Variants in DENR observed in about 807,000 individuals in gnomAD.
DENR encodes density regulated re-initiation and release factor.
In DENR, 6 loss-of-function variants were observed where a neutral mutation model predicts 30.6. The ratio of observed to expected loss-of-function variants is 0.20; its 90% CI spans 0.11 to 0.39. The LOEUF (loss-of-function observed/expected upper bound fraction) is 0.39, where lower values mean the gene tolerates loss of function less well. DENR is among the 10% of genes least tolerant of loss of function. The pLI is 1.00. For synonymous variants in DENR, 78 were observed against 72.1 expected (o/e 1.08, Z -0.41); for missense variants, 141 against 230.9 (o/e 0.61, Z 2.52).
At chr12:122,760,464 G>C (rs936606950) in intron 2 of DENR, among the ~76,000 whole-genome samples, 2 of 152,184 alleles carry the variant, frequency 1.3e-5, no homozygotes, top group African/African-American at 4.8e-5. Context: ...GGGCGCGGTG[G>C]CTCACTCCTG....
chr12:122,754,855 T>C (rs1378011195), intron 2 of DENR, among the ~76,000 whole-genome samples: 1 of 152,142 alleles, frequency 6.6e-6, no homozygotes, highest in Non-Finnish European at 1.5e-5. Flanking sequence ...AGTGCCTTGC[T>C]GAGAGTGTAA....
intron 2 of DENR, among the ~76,000 whole-genome samples, chr12:122,757,881 TTTTTA>T (rs1270592318): frequency 6.6e-6 from 1 of 152,206 alleles, no homozygotes; most frequent in African/African-American, 2.4e-5. Context: ...GGAGACTTTA[TTTTTA>T]TTTTAATCTT....
At chr12:122,763,989 A>G (rs976570420) in intron 4 of DENR, among the ~76,000 whole-genome samples, 1 of 152,182 alleles carries the variant, frequency 6.6e-6, no homozygotes, top group African/African-American at 2.4e-5. Flanking sequence ...GCAGTTGATT[A>G]TTTTGGAACT....
Position 122,769,151 on chromosome 12 carries a change from A to AATAT in DENR, c.*85_*88dup, listed in dbSNP as rs886558609. On this transcript the variant is annotated 3_prime_UTR_variant, in exon 8 of 8. Coordinates refer to ENST00000280557, the MANE Select transcript of DENR (RefSeq NM_003677.5). ...GGCCAAAGGGAGAGAGGCCTTTTAAAATATATATATATATACACATATATA... is the reference window on the plus strand; with the variant it reads ...GGCCAAAGGGAGAGAGGCCTTTTAAAATATATATATATATATATACACATATATA... 26 of 1,375,242 alleles carry AATAT rather than the reference A, an allele frequency of 1.9e-5. No homozygotes were observed. In the African/African-American group the frequency reaches 2.6e-4, roughly 14 times the overall value. The allele number at this position is 1,375,242 out of a possible 1,614,324, so 85.2% of individuals were successfully genotyped here. A position where few individuals can be genotyped will look rare whatever the true frequency, so the allele number is the denominator to read the frequency against.
intron 2 of DENR, among the ~76,000 whole-genome samples, chr12:122,755,454 C>G (rs1878522791): frequency 6.6e-6 from 1 of 152,042 alleles, no homozygotes; most frequent in Admixed American, 6.6e-5. Context: ...TGGCAGGCAC[C>G]TGTAATCCCA....
intron 2 of DENR, 96 bp from the exon 3 acceptor site, chr12:122,762,091 A>G (rs1878715964): frequency 1.3e-6 from 1 of 797,266 alleles, no homozygotes; most frequent in Non-Finnish European, 1.9e-6. Context: ...TGTAAAAATG[A>G]AGCATTTTCT....
chr12:122,753,942 G>T (rs997443330), intron 2 of DENR, 135 bp downstream of exon 2: 21 of 733,866 alleles, frequency 2.9e-5, no homozygotes, highest in Admixed American at 2.8e-4. Flanking sequence ...GGAGTCCTGG[G>T]GAGGAGGAGG....
intron 2 of DENR, among the ~76,000 whole-genome samples, chr12:122,759,628 C>T (rs746111774): frequency 2.0e-5 from 3 of 152,084 alleles, no homozygotes; most frequent in Non-Finnish European, 2.9e-5. Flanking sequence ...GGCTGAGCTA[C>T]GAGAATCACT....
intron 4 of DENR, among the ~76,000 whole-genome samples, chr12:122,764,497 G>A (rs1448517492): frequency 2.6e-5 from 4 of 152,184 alleles, no homozygotes; most frequent in African/African-American, 9.7e-5. Flanking sequence ...TACTTTGGGA[G>A]GCTGAGGCAG....
chr12:122,763,855 G>GAC (rs1467697888), intron 4 of DENR, among the ~76,000 whole-genome samples: 5 of 152,182 alleles, frequency 3.3e-5, no homozygotes, highest in Admixed American at 3.3e-4. Flanking sequence ...TAGAAAGGGA[G>GAC]ACAGATTAAA....
At chr12:122,759,893 C>A in intron 2 of DENR, among the ~76,000 whole-genome samples, 1 of 152,172 alleles carries the variant, frequency 6.6e-6, no homozygotes, top group East Asian at 1.9e-4. Context: ...CTGTAGCTAA[C>A]CAGAGAGATC....
rs543120682 is a variant in DENR, at chr12:122,760,308, C to A, written c.107-1879C>A. On this transcript the variant is annotated intron_variant, in intron 2 of 7. Coordinates refer to ENST00000280557, the MANE Select transcript of DENR (RefSeq NM_003677.5). ...ACATAATAATGTATATAAGGCATAG[C>A]AAAACATTTGGCACATACTAGGTGC... 3.3e-5 allele frequency among the ~76,000 whole-genome samples: 5 copies of A among 152,276 alleles called. No individual in the cohort carries two copies. The South Asian group carries it at 8.3e-4, about 25-fold the overall frequency.
intron 4 of DENR, 57 bp from the exon 5 acceptor site, chr12:122,765,247 T>C (rs1388195689): frequency 7.0e-7 from 1 of 1,421,766 alleles, no homozygotes; most frequent in East Asian, 2.5e-5. Flanking sequence ...GGTGATTTCT[T>C]TTTTTTTAAC....
intron 4 of DENR, among the ~76,000 whole-genome samples, chr12:122,764,459 C>T (rs547835375): frequency 1.3e-5 from 2 of 152,068 alleles, no homozygotes; most frequent in African/African-American, 4.8e-5. Flanking sequence ...ATTAGCCGGG[C>T]GAGGTGGCGG....
rs554272435 is a variant in DENR, at chr12:122,756,487, A to G, written c.106+2680A>G. Among the ~76,000 whole-genome samples the G allele has an allele frequency of 2.0e-5, 3 of 152,290 alleles. 1 individual carries two copies. The South Asian group carries it at 6.2e-4, about 32-fold the overall frequency. On this transcript the variant is annotated intron_variant, in intron 2 of 7. Transcript: ENST00000280557. ...AGACAAGAAATAAAGATTAAGGACT[A>G]ATAGCTGCAGTGTCAGTACAGGAGG...
At chr12:122,756,480 A>G (rs1302714456) in intron 2 of DENR, among the ~76,000 whole-genome samples, 3 of 152,156 alleles carry the variant, frequency 2.0e-5, no homozygotes, top group Non-Finnish European at 4.4e-5. Flanking sequence ...AATAAAGATT[A>G]AGGACTAATA....
At chr12:122,767,436 A>G in intron 5 of DENR, 52 bp from the exon 6 acceptor site, 1 of 1,146,986 alleles carries the variant, frequency 8.7e-7, no homozygotes, top group Non-Finnish European at 1.2e-6. Context: ...TAAAGACAGT[A>G]TTCTCTTATG....
Position 122,769,061 on chromosome 12 carries a change from G to C in DENR, c.580G>C (p.Gly194Arg), listed in dbSNP as rs1457931143. ...EVDDDSIEDL[G>R]EVKK ...AGATGATGACAGCATCGAAGATCTT[G>C]GAGAAGTAAAGAAGTGAATTTGAAA... Residue 194 changes from glycine (G) to arginine (R), a missense_variant, in exon 8 of 8, where the codon GGA becomes CGA. By Grantham distance (125) the Gly-to-Arg change is moderately radical. This residue lies in a region of DENR where 37 missense variants were observed against 92.6 expected (regional missense o/e 0.40). Transcript: ENST00000280557. 4 of 1,610,000 alleles carry C rather than the reference G, an allele frequency of 2.5e-6. No individual in the cohort carries two copies. The highest frequency in any genetic ancestry group is 3.4e-6 in the Non-Finnish European group (4 of 1,178,510).
intron 2 of DENR, among the ~76,000 whole-genome samples, chr12:122,755,509 G>GCCT (rs1878525394): frequency 6.6e-6 from 1 of 152,118 alleles, no homozygotes; most frequent in African/African-American, 2.4e-5. Flanking sequence ...AACCCGGGAG[G>GCCT]CAGAGGTTGC....
Sources: allele counts gnomAD v4.1 joint callset (sites outside exome capture counted in the v4.1 genomes callset), GRCh38; gene constraint gnomAD v4.1.1; regional missense constraint gnomAD v4.1.1; transcripts MANE v1.5; gene names NCBI Gene and HGNC (gene_info 2026-07-23, HGNC 2026-07-21).